The following JAM3 variants were observed in gnomAD, a reference collection of about 807,000 sequenced individuals.
The protein encoded by JAM3 is junctional adhesion molecule 3, also known as junctional adhesion molecule C.
JAM3 carries 31 observed loss-of-function variants against 39.4 expected under a neutral mutation model. The ratio of observed to expected loss-of-function variants is 0.79; its 90% CI spans 0.59 to 1.06. The LOEUF is 1.06. JAM3 is among the 50% of genes least tolerant of loss of function. The pLI is 0.00. For missense variants in JAM3, 455 were observed against 391.4 expected (o/e 1.16, Z -1.37); for synonymous variants, 182 against 148.7 (o/e 1.22, Z -1.63).
chr11:134,098,912 A>C (rs970363467), intron 1 of JAM3, among the ~76,000 whole-genome samples: 7 of 152,144 alleles, frequency 4.6e-5, no homozygotes, highest in African/African-American at 1.7e-4. Context: ...TTTAAATGCA[A>C]CTAGGGAGAG....
At chr11:134,126,609 T>G (rs1942653016) in intron 1 of JAM3, 1 of 152,210 alleles carries the variant, frequency 6.6e-6, no homozygotes, top group Admixed American at 6.5e-5. Context: ...GGTTCAAACA[T>G]GAGCACACAG....
chr11:134,141,462 G>A (rs953142597), intron 3 of JAM3, among the ~76,000 whole-genome samples: 14 of 152,018 alleles, frequency 9.2e-5, no homozygotes, highest in African/African-American at 3.4e-4. Context: ...GGAGAGGGGG[G>A]AGAGGGGCTG....
chr11:134,082,834 G>A (rs77898592), intron 1 of JAM3, among the ~76,000 whole-genome samples: 3,744 of 152,276 alleles, frequency 0.025, 161 homozygotes, highest in African/African-American at 0.085. Context: ...ACCTCAGGTT[G>A]AGAAGCCTGC....
intron 1 of JAM3, among the ~76,000 whole-genome samples, chr11:134,077,841 AG>A (rs1466002983): frequency 6.6e-6 from 1 of 151,766 alleles, no homozygotes; most frequent in East Asian, 2.0e-4. Context: ...TAGTAGAGAC[AG>A]TGTTTCACCA....
intron 1 of JAM3, among the ~76,000 whole-genome samples, chr11:134,109,983 A>G (rs1241274083): frequency 2.6e-5 from 4 of 152,152 alleles, no homozygotes; most frequent in Admixed American, 6.5e-5. Flanking sequence ...TTCCCTTCAC[A>G]TTGCTTTCAC....
At chr11:134,084,209 C>T (rs1259663484) in intron 1 of JAM3, among the ~76,000 whole-genome samples, 5 of 152,178 alleles carry the variant, frequency 3.3e-5, no homozygotes, top group Non-Finnish European at 7.3e-5. Flanking sequence ...TTCTGTTCAT[C>T]TCTTAACTCA....
intron 1 of JAM3, among the ~76,000 whole-genome samples, chr11:134,075,996 G>C (rs778849636): frequency 1.1e-4 from 16 of 151,650 alleles, no homozygotes; most frequent in Non-Finnish European, 2.4e-4. Flanking sequence ...AACTTTTTCT[G>C]CTTCCAGCTG....
intron 1 of JAM3, among the ~76,000 whole-genome samples, chr11:134,122,072 ATTATT>A (rs1481269448): frequency 1.3e-5 from 2 of 152,212 alleles, no homozygotes; most frequent in African/African-American, 2.4e-5. Context: ...TTCAGAAAGC[ATTATT>A]TTGTTTTGTT....
Position 134,148,640 on chromosome 11 carries a change from G to A in JAM3, c.806G>A (p.Arg269His), listed in dbSNP as rs772533647. The A allele has an allele frequency of 4.3e-6, 7 of 1,614,010 alleles. No homozygotes were observed. Among genetic ancestry groups the A allele is most frequent in the Middle Eastern group, 1.6e-4 (1 of 6,084 alleles). ...TTGGGCATCTGCTGTGCATACAGAC[G>A]TGGCTACTTCATCAACAATAAACAG... ...ITLGICCAYR[R>H]GYFINNKQDG... Residue 269 changes from arginine to histidine, a missense_variant, in exon 7 of 9, where the codon CGT becomes CAT. By Grantham distance (29) the Arg-to-His change is conservative. Coordinates refer to ENST00000299106, the MANE Select transcript of JAM3 (RefSeq NM_032801.5).
At chr11:134,088,751 T>TG in intron 1 of JAM3, among the ~76,000 whole-genome samples, 1 of 114,942 alleles carries the variant, frequency 8.7e-6, no homozygotes, top group East Asian at 2.7e-4. Flanking sequence ...GTCTGCACAT[T>TG]AACACACCTA....
chr11:134,085,222 C>T (rs1941728597), intron 1 of JAM3, among the ~76,000 whole-genome samples: 1 of 152,158 alleles, frequency 6.6e-6, no homozygotes, highest in Non-Finnish European at 1.5e-5. Flanking sequence ...ACTTGAAATG[C>T]CCCCAGATTT....
Position 134,127,777 on chromosome 11 carries a change from G to A in JAM3, c.77-12074G>A, listed in dbSNP as rs12577499. ...ATATTTCTAACAAGTAGGCACAACA[G>A]AGAATGGAGTGACAACCGCTGCTCC... On this transcript the variant is annotated intron_variant, in intron 1 of 8. Coordinates refer to ENST00000299106, the MANE Select transcript of JAM3 (RefSeq NM_032801.5). Among the ~76,000 whole-genome samples, 665 of 152,332 alleles carry A rather than the reference G, an allele frequency of 4.4e-3. 11 individuals are homozygous for A. The highest frequency in any genetic ancestry group is 0.02 in the Admixed American group (305 of 15,306).
chr11:134,088,197 A>C (rs1390128707), intron 1 of JAM3, among the ~76,000 whole-genome samples: 2 of 152,196 alleles, frequency 1.3e-5, no homozygotes, highest in African/African-American at 2.4e-5. Flanking sequence ...TTAAATTCAC[A>C]GTTTCATTCC....
At chr11:134,094,274 C>T (rs551022670) in intron 1 of JAM3, among the ~76,000 whole-genome samples, 1 of 134,136 alleles carries the variant, frequency 7.5e-6, no homozygotes, top group Non-Finnish European at 1.6e-5. Context: ...TTAAACGTCA[C>T]TTCCTGAGGG....
intron 1 of JAM3, among the ~76,000 whole-genome samples, chr11:134,133,902 G>C (rs1165749722): frequency 6.6e-6 from 1 of 152,166 alleles, no homozygotes; most frequent in East Asian, 1.9e-4. Flanking sequence ...TGAGGAAATG[G>C]AGCAAGCATC....
chr11:134,079,561 G>A (rs1028030901), intron 1 of JAM3, among the ~76,000 whole-genome samples: 1 of 152,110 alleles, frequency 6.6e-6, no homozygotes, highest in African/African-American at 2.4e-5. Context: ...TATCGTGGGT[G>A]TTAGGCATTT....
intron 1 of JAM3, among the ~76,000 whole-genome samples, chr11:134,102,886 T>C (rs1287391832): frequency 3.3e-5 from 5 of 152,140 alleles, no homozygotes; most frequent in Non-Finnish European, 7.4e-5. Context: ...CTATGTCTGA[T>C]TGGTGTACCT....
At chr11:134,093,187 C>T (rs1043228469) in intron 1 of JAM3, among the ~76,000 whole-genome samples, 1 of 133,418 alleles carries the variant, frequency 7.5e-6, no homozygotes, top group Non-Finnish European at 1.6e-5. Flanking sequence ...TCTCCTGAAC[C>T]CTCCTTATTC....
At chr11:134,126,018 T>C (rs1397552031) in intron 1 of JAM3, among the ~76,000 whole-genome samples, 4 of 152,110 alleles carry the variant, frequency 2.6e-5, no homozygotes, top group Admixed American at 6.5e-5. Flanking sequence ...CCTCTGTCCT[T>C]CTCTCTCTGC....
Sources: allele counts gnomAD v4.1 joint callset (sites outside exome capture counted in the v4.1 genomes callset), GRCh38; gene constraint gnomAD v4.1.1; transcripts MANE v1.5; gene names NCBI Gene and HGNC (gene_info 2026-07-23, HGNC 2026-07-21).